Variants in SRGAP2B observed in about 807,000 individuals in gnomAD.
SRGAP2B encodes the protein SLIT-ROBO Rho GTPase activating protein 2B.
A neutral mutation model predicts 22.2 loss-of-function variants in SRGAP2B; 9 were observed. That is an observed-to-expected ratio of 0.41 (90% confidence interval 0.24 to 0.71). The LOEUF (loss-of-function observed/expected upper bound fraction) is 0.71. Among genes scored for constraint, SRGAP2B ranks in the 30% least tolerant of loss-of-function variants. The probability of loss-of-function intolerance (pLI) is 0.35; values close to 1 mark genes in which losing one functional copy is unlikely to be tolerated. For missense variants in SRGAP2B, 114 were observed against 235.8 expected, an observed-to-expected ratio of 0.48 and a Z score of 3.38; for synonymous variants, 36 against 87.4, an observed-to-expected ratio of 0.41 and a Z score of 3.28.
At chr1:144,973,241 A>C (rs1190412278) in intron 3 of SRGAP2B, among the ~76,000 whole-genome samples, 1 of 148,002 alleles carries the variant, frequency 6.8e-6, no homozygotes, top group Non-Finnish European at 1.5e-5. Context: ...CTTGTAGTAT[A>C]AAATATGGAG....
intron 2 of SRGAP2B, among the ~76,000 whole-genome samples, chr1:145,064,714 C>T (rs1651304466): frequency 6.6e-6 from 1 of 150,510 alleles, no homozygotes; most frequent in Non-Finnish European, 1.5e-5. Flanking sequence ...AGAGCTTTTA[C>T]TCTAACAGAA....
intron 2 of SRGAP2B, among the ~76,000 whole-genome samples, chr1:145,044,853 G>A (rs1320738086): frequency 2.0e-5 from 3 of 147,368 alleles, no homozygotes; most frequent in African/African-American, 7.8e-5. Context: ...AGTTGCAGAG[G>A]TATCATGTTG....
At chr1:144,903,565 TTGGGAGTGGGTGAGAA>T (rs1662768325) in intron 7 of SRGAP2B, among the ~76,000 whole-genome samples, 1 of 104,880 alleles carries the variant, frequency 9.5e-6, no homozygotes, top group Non-Finnish European at 1.9e-5. Context: ...CTAGAGGAGC[TTGGGAGTGGGTGAGAA>T]ACAAAGCTGG....
chr1:144,961,330 G>A (rs1667648850), intron 3 of SRGAP2B, among the ~76,000 whole-genome samples: 1 of 151,368 alleles, frequency 6.6e-6, no homozygotes, highest in African/African-American at 2.4e-5. Flanking sequence ...CCAAACCCTA[G>A]ATGCTTCAGC....
chr1:145,073,228 G>A (rs1652279178), intron 2 of SRGAP2B, among the ~76,000 whole-genome samples: 2 of 149,710 alleles, frequency 1.3e-5, no homozygotes, highest in South Asian at 4.2e-4. Flanking sequence ...CTATTTCACA[G>A]TTTCTCTGCA....
chr1:144,921,235 T>G (rs868946995), intron 4 of SRGAP2B, among the ~76,000 whole-genome samples: 1 of 93,242 alleles, frequency 1.1e-5, no homozygotes, highest in Middle Eastern at 0.014. Flanking sequence ...CATAACCTAA[T>G]TCCACAGCAA....
chr1:144,925,789 A>AAGAG (rs1664687053), intron 4 of SRGAP2B, among the ~76,000 whole-genome samples: 2 of 104,208 alleles, frequency 1.9e-5, no homozygotes, highest in African/African-American at 7.1e-5. Flanking sequence ...GAAAGAAAGA[A>AAGAG]AGAAAGGAGA....
At chr1:144,999,526 G>GA (rs1425886653) in intron 2 of SRGAP2B, among the ~76,000 whole-genome samples, 1 of 145,604 alleles carries the variant, frequency 6.9e-6, no homozygotes, top group Non-Finnish European at 1.5e-5. Context: ...ACAAAGAAGA[G>GA]AAAGGACAAG....
chr1:144,963,080 C>G (rs1379921662), intron 3 of SRGAP2B, among the ~76,000 whole-genome samples: 5 of 151,326 alleles, frequency 3.3e-5, no homozygotes, highest in Non-Finnish European at 7.4e-5. Context: ...TGCCTGCCCA[C>G]CAGCTCTCTC....
At chr1:145,044,943 T>C (rs1649607795) in intron 2 of SRGAP2B, among the ~76,000 whole-genome samples, 1 of 150,624 alleles carries the variant, frequency 6.6e-6, no homozygotes, top group Admixed American at 6.6e-5. Context: ...AGGCTACCTA[T>C]AGAACTTCCT....
chr1:144,916,438 A>G (rs1286401952), intron 4 of SRGAP2B, among the ~76,000 whole-genome samples: 6 of 132,378 alleles, frequency 4.5e-5, no homozygotes, highest in South Asian at 2.5e-4. Flanking sequence ...TAATGCACAC[A>G]CCTTTCATTA....
At chr1:145,075,939 T>C (rs587747647) in intron 2 of SRGAP2B, among the ~76,000 whole-genome samples, 124 of 149,518 alleles carry the variant, frequency 8.3e-4, no homozygotes, top group African/African-American at 3.1e-3. Context: ...AATACAAAAA[T>C]TGGCCCAGCG....
intron 2 of SRGAP2B, among the ~76,000 whole-genome samples, chr1:145,081,247 T>C (rs1317856421): frequency 3.4e-5 from 5 of 148,548 alleles, no homozygotes; most frequent in Non-Finnish European, 7.4e-5. Flanking sequence ...ACAGGACTGT[T>C]GAGAAATTCA....
In SRGAP2B at chr1:144,970,413, C is replaced by T. The variant is rs879972757; in HGVS notation, c.261-14812G>A. Among the ~76,000 whole-genome samples, 5 of 118,596 alleles carry T rather than the reference C, an allele frequency of 4.2e-5. No homozygotes were observed. In the South Asian group the frequency reaches 8.8e-4, roughly 21 times the overall value. 77.8% of individuals were successfully genotyped at this position (118,596 alleles called of 152,430 possible). A position where few individuals can be genotyped will look rare whatever the true frequency, so the allele number is the denominator to read the frequency against. ...ATCGCAAGAACAAAAAACCAAACAC[C>T]GCATATTCTCACTCATAGGTGGGAA... On this transcript the variant is annotated intron_variant, in intron 3 of 9. Coordinates refer to ENST00000612199, the Ensembl canonical transcript of SRGAP2B.
At chr1:145,021,633 G>A (rs1553624109) in intron 2 of SRGAP2B, among the ~76,000 whole-genome samples, 1 of 137,308 alleles carries the variant, frequency 7.3e-6, no homozygotes, top group African/African-American at 2.9e-5. Flanking sequence ...GAACAACATG[G>A]AGAAATCTCG....
At chr1:144,904,698 CAAAAAAAA>C (rs1192600476) in intron 7 of SRGAP2B, among the ~76,000 whole-genome samples, 2 of 16,944 alleles carry the variant, frequency 1.2e-4, no homozygotes, top group Non-Finnish European at 1.7e-4. Flanking sequence ...GACTCTATCT[CAAAAAAAA>C]AAAAAAAAAA....
chr1:144,927,374 G>A (rs1379215109), intron 4 of SRGAP2B, among the ~76,000 whole-genome samples: 1 of 150,714 alleles, frequency 6.6e-6, no homozygotes, highest in African/African-American at 2.5e-5. Flanking sequence ...GTGCAAGTCT[G>A]CTGGTGATAT....
chr1:145,068,327 A>G (rs1553632777), intron 2 of SRGAP2B, among the ~76,000 whole-genome samples: 1 of 144,696 alleles, frequency 6.9e-6, no homozygotes, highest in Non-Finnish European at 1.5e-5. Flanking sequence ...ATACATAATC[A>G]TGTGTTGAGT....
intron 3 of SRGAP2B, among the ~76,000 whole-genome samples, chr1:144,994,535 G>A (rs1670506074): frequency 8.1e-6 from 1 of 123,164 alleles, no homozygotes; most frequent in East Asian, 2.2e-4. Context: ...CTATTTACTA[G>A]GGGTGTGTGA....
Sources: gnomAD v4.1 joint callset for allele counts (sites outside exome capture counted in the v4.1 genomes callset) on GRCh38, gnomAD v4.1.1 for gene constraint, MANE v1.5 for transcripts, NCBI Gene and HGNC (gene_info 2026-07-23, HGNC 2026-07-21) for gene names.